The following TTC34 variants were observed in gnomAD, a reference collection of about 807,000 sequenced individuals.
TTC34 encodes the protein tetratricopeptide repeat protein 34.
TTC34 carries 44 observed loss-of-function variants against 40.7 expected under a neutral mutation model. That is an observed-to-expected ratio of 1.08 (90% CI 0.85 to 1.39). The LOEUF (loss-of-function observed/expected upper bound fraction) is 1.39, where lower values mean the gene tolerates loss of function less well. Among genes scored for constraint, TTC34 ranks in the 40% most tolerant of loss-of-function variants. TTC34 has a pLI of 0.00. For missense variants in TTC34, 884 were observed against 838.0 expected (o/e 1.05, Z -0.68); for synonymous variants, 422 against 398.6 (o/e 1.06, Z -0.70).
rs1447338797 is a variant in TTC34, at chr1:2,759,741, G to A, written c.2226+23868C>T. Reference sequence around the variant, plus strand: ...CACCCCGAGGTGAACATCCGACATCGTGGAGCAGCACCCCACACCCACAGG... The same window carrying A: ...CACCCCGAGGTGAACATCCGACATCATGGAGCAGCACCCCACACCCACAGG... On this transcript the variant is annotated intron_variant, in intron 6 of 8. Transcript: ENST00000401095. 8.3e-5 allele frequency among the ~76,000 whole-genome samples: 6 copies of A among 72,262 alleles called. 1 individual carries two copies. Among genetic ancestry groups the A allele is most frequent in the Non-Finnish European group, 1.4e-4 (6 of 43,554 alleles). The allele number at this position is 72,262 out of a possible 152,430, so 47.4% of individuals were successfully genotyped here. A position where few individuals can be genotyped will look rare whatever the true frequency, so the allele number is the denominator to read the frequency against.
chr1:2,752,774 GC>G (rs1641366621), intron 6 of TTC34, among the ~76,000 whole-genome samples: 1 of 97,128 alleles, frequency 1.0e-5, no homozygotes, highest in Non-Finnish European at 1.9e-5. Context: ...GCACCCATAC[GC>G]CCAGATAAGC....
chr1:2,780,807 T>A (rs1272856415), intron 6 of TTC34, among the ~76,000 whole-genome samples: 1 of 152,196 alleles, frequency 6.6e-6, no homozygotes, highest in Non-Finnish European at 1.5e-5. Context: ...ATTATTGAGA[T>A]TTTGACAGAG....
chr1:2,753,060 G>C (rs1375134973), intron 6 of TTC34, among the ~76,000 whole-genome samples: 187 of 149,868 alleles, frequency 1.2e-3, no homozygotes, highest in African/African-American at 4.5e-3. Context: ...CACACCCCCA[G>C]GTGAGCATCT....
intron 6 of TTC34, among the ~76,000 whole-genome samples, chr1:2,753,580 CA>C (rs1641398546): frequency 1.2e-5 from 1 of 83,324 alleles, no homozygotes; most frequent in Non-Finnish European, 2.2e-5. Flanking sequence ...CCCACACCCC[CA>C]GGTGAGCATC....
chr1:2,747,532 GA>G (rs1641193442), intron 6 of TTC34, among the ~76,000 whole-genome samples: 1 of 87,032 alleles, frequency 1.1e-5, no homozygotes. Context: ...GTGAGCATCT[GA>G]CAGCCTGGAA....
chr1:2,775,831 C>A (rs1277572833), intron 6 of TTC34, among the ~76,000 whole-genome samples: 3 of 144,148 alleles, frequency 2.1e-5, no homozygotes, highest in Admixed American at 2.0e-4. Flanking sequence ...GCAGTGCCCA[C>A]CCCTGGGTGA....
At chr1:2,688,638 G>T (rs1307871722) in intron 6 of TTC34, among the ~76,000 whole-genome samples, 1 of 108,492 alleles carries the variant, frequency 9.2e-6, no homozygotes, top group Non-Finnish European at 1.8e-5. Context: ...ATGGTCTGGA[G>T]TAGCACCCAC....
chr1:2,686,605 C>G (rs1393205714), intron 6 of TTC34, among the ~76,000 whole-genome samples: 1 of 150,470 alleles, frequency 6.6e-6, no homozygotes, highest in African/African-American at 2.5e-5. Context: ...CACACACCCC[C>G]AGGCGAGCAT....
At chr1:2,676,865 CATCGTGG>C in intron 6 of TTC34, among the ~76,000 whole-genome samples, 1 of 71,190 alleles carries the variant, frequency 1.4e-5, no homozygotes, top group East Asian at 4.8e-4. Flanking sequence ...GAGCATCTGA[CATCGTGG>C]AGCCGCACCC....
chr1:2,692,413 A>G (rs1186324335), intron 6 of TTC34, among the ~76,000 whole-genome samples: 3 of 100,390 alleles, frequency 3.0e-5, no homozygotes, highest in South Asian at 3.3e-4. Flanking sequence ...AGCCTGGAGC[A>G]GCACCCACAC....
intron 6 of TTC34, among the ~76,000 whole-genome samples, chr1:2,682,701 A>ACGCTGC (rs1640133119): frequency 1.5e-5 from 2 of 136,398 alleles, no homozygotes; most frequent in Admixed American, 7.5e-5. Flanking sequence ...CTGGAGCAGC[A>ACGCTGC]CCCACACACC....
rs1365290639 is a variant in TTC34, at chr1:2,675,102, C to T, written c.2227-29539G>A. ...ACACACCCAGGCGAGCATCTGACAG[C>T]CTGGAGCAGTGCCCACACCCCCAGG... On this transcript the variant is annotated intron_variant, in intron 6 of 8. Coordinates refer to ENST00000401095, the Ensembl canonical transcript of TTC34. Among the ~76,000 whole-genome samples the T allele has an allele frequency of 3.9e-4, 4 of 10,154 alleles. No individual in the cohort carries two copies. The East Asian group carries it at 6.5e-3, about 17-fold the overall frequency. 6.7% of individuals were successfully genotyped at this position (10,154 alleles called of 152,430 possible).
exon 8 of TTC34, chr1:2,644,456 G>C (rs1357621421): frequency 3.3e-6 from 5 of 1,533,836 alleles, no homozygotes; most frequent in Non-Finnish European, 4.4e-6. Flanking sequence ...TTTCCAGGTG[G>C]GTGCCAGCTT....
intron 6 of TTC34, among the ~76,000 whole-genome samples, chr1:2,695,055 A>AACACCACACACACCCCCAGGCGAGCAT (rs1640798223): frequency 2.0e-4 from 21 of 104,838 alleles, no homozygotes; most frequent in Non-Finnish European, 2.6e-4. Flanking sequence ...CATCTGACAC[A>AACACCACACACACCCCCAGGCGAGCAT]CTGAAACAGC....
At chr1:2,799,390 A>G (rs540043871) in intron 2 of TTC34, among the ~76,000 whole-genome samples, 4 of 152,266 alleles carry the variant, frequency 2.6e-5, no homozygotes, top group Non-Finnish European at 5.9e-5. Context: ...TAAAAATACA[A>G]AAATTAGCCA....
chr1:2,699,450 G>A (rs374354291), intron 6 of TTC34, among the ~76,000 whole-genome samples: 1,712 of 57,744 alleles, frequency 0.03, 295 homozygotes, highest in Admixed American at 0.057. Flanking sequence ...ACATCACCCC[G>A]CACCCACAGG....
chr1:2,645,663 G>A lies in TTC34; in HGVS notation c.2227-100C>T. The A allele has an allele frequency of 7.8e-7, 1 of 1,274,080 alleles. No homozygotes were observed. 78.9% of individuals were successfully genotyped at this position (1,274,080 alleles called of 1,614,324 possible). Reference sequence around the variant, plus strand: ...ACTGGCTCTGTCTTTCTCATTCCCTGATCTTCTCCCTGGGGTCCTAGAGGG... The same window carrying A: ...ACTGGCTCTGTCTTTCTCATTCCCTAATCTTCTCCCTGGGGTCCTAGAGGG... On this transcript the variant is annotated intron_variant, in intron 6 of 8. Coordinates refer to ENST00000401095, the Ensembl canonical transcript of TTC34. This position sits in a 1 kb window ranked among gnomAD's most constrained non-coding sequence, Gnocchi z 4.7.
intron 6 of TTC34, among the ~76,000 whole-genome samples, chr1:2,692,419 CA>C (rs1640663148): frequency 9.6e-6 from 1 of 103,870 alleles, no homozygotes; most frequent in Non-Finnish European, 2.3e-5. Flanking sequence ...GAGCAGCACC[CA>C]CACCCCCAGG....
intron 6 of TTC34, among the ~76,000 whole-genome samples, chr1:2,752,595 C>A (rs1433490710): frequency 4.7e-5 from 2 of 42,802 alleles, no homozygotes; most frequent in African/African-American, 1.4e-4. Flanking sequence ...ATCTGACAAC[C>A]TGGAACAGGA....
Sources: gnomAD v4.1 joint callset for allele counts (sites outside exome capture counted in the v4.1 genomes callset) on GRCh38, gnomAD v4.1.1 for gene constraint, Gnocchi (gnomAD v3.1) non-coding constraint, MANE v1.5 for transcripts, NCBI Gene and HGNC (gene_info 2026-07-23, HGNC 2026-07-21) for gene names.